The following XNDC1N variants were observed in gnomAD, a reference collection of about 807,000 sequenced individuals.
The protein encoded by XNDC1N is protein XNDC1N.
the XNDC1N span, chr11:71,914,221 A>G: frequency 2.2e-6 from 1 of 451,998 alleles, no homozygotes; most frequent in Non-Finnish European, 4.5e-6. Context: ...AAGTAAATTA[A>G]AACCTTCTGG....
chr11:71,915,490 T>C, the XNDC1N span, among the ~76,000 whole-genome samples: 2 of 150,510 alleles, frequency 1.3e-5, no homozygotes, highest in African/African-American at 4.9e-5. Flanking sequence ...TCACTGAAGG[T>C]TCAGAAAATT....
the XNDC1N span, among the ~76,000 whole-genome samples, chr11:71,874,126 C>A: frequency 6.6e-6 from 1 of 152,088 alleles, no homozygotes; most frequent in Non-Finnish European, 1.5e-5. Context: ...AACAGCCTAA[C>A]CAACATGGCG....
the XNDC1N span, among the ~76,000 whole-genome samples, chr11:71,881,129 A>G: frequency 6.6e-6 from 1 of 152,210 alleles, no homozygotes; most frequent in Non-Finnish European, 1.5e-5. Flanking sequence ...CTCAGTTATC[A>G]TGATGTTGAG....
At chr11:71,921,088 C>T in the XNDC1N span, among the ~76,000 whole-genome samples, 1 of 151,938 alleles carries the variant, frequency 6.6e-6, no homozygotes, top group East Asian at 1.9e-4. Flanking sequence ...GGGAGGATCA[C>T]TTGAGTGATC....
the XNDC1N span, among the ~76,000 whole-genome samples, chr11:71,905,451 G>T: frequency 6.6e-6 from 1 of 151,372 alleles, no homozygotes; most frequent in Non-Finnish European, 1.5e-5. Flanking sequence ...ATATAACAGG[G>T]TGTACAACCC....
At chr11:71,914,393 G>A in the XNDC1N span, 22 of 455,910 alleles carry the variant, frequency 4.8e-5, no homozygotes, top group African/African-American at 3.8e-4. Flanking sequence ...GACAGAAATA[G>A]TATGAGAACT....
the XNDC1N span, among the ~76,000 whole-genome samples, chr11:71,901,045 G>T: frequency 9.2e-5 from 14 of 152,148 alleles, no homozygotes; most frequent in Admixed American, 9.2e-4. Context: ...AACACAGCTA[G>T]ACCAGTGGGT....
At chr11:71,866,877 A>C in the XNDC1N span, among the ~76,000 whole-genome samples, 28 of 152,300 alleles carry the variant, frequency 1.8e-4, no homozygotes, top group African/African-American at 6.3e-4. Flanking sequence ...TTTCTGGAAA[A>C]TTTGATATGA....
chr11:71,874,970 A>G, the XNDC1N span, among the ~76,000 whole-genome samples: 1 of 152,144 alleles, frequency 6.6e-6, no homozygotes, highest in Admixed American at 6.5e-5. Context: ...CTCGCTCCAT[A>G]TAAGTTAAGC....
At chr11:71,882,832 A>T in the XNDC1N span, among the ~76,000 whole-genome samples, 2 of 152,084 alleles carry the variant, frequency 1.3e-5, no homozygotes, top group Non-Finnish European at 1.5e-5. Flanking sequence ...AAATGACATA[A>T]TTTTTTTGTA....
the XNDC1N span, among the ~76,000 whole-genome samples, chr11:71,877,853 T>C: frequency 6.6e-6 from 1 of 152,224 alleles, no homozygotes; most frequent in Admixed American, 6.5e-5. Flanking sequence ...GGCCCACTCT[T>C]CTTTCTTTAA....
chr11:71,905,159 T>G, the XNDC1N span, among the ~76,000 whole-genome samples: 1 of 152,138 alleles, frequency 6.6e-6, no homozygotes, highest in African/African-American at 2.4e-5. Context: ...GTACACCATG[T>G]GTGTACACTC....
chr11:71,886,308 C>A, the XNDC1N span, among the ~76,000 whole-genome samples: 4 of 151,674 alleles, frequency 2.6e-5, no homozygotes, highest in Non-Finnish European at 5.9e-5. Context: ...TCCTCTTTAA[C>A]AGCGAAGAAA....
chr11:71,891,976 G>T, the XNDC1N span, among the ~76,000 whole-genome samples: 3 of 151,994 alleles, frequency 2.0e-5, no homozygotes, highest in Non-Finnish European at 2.9e-5. Context: ...CCGGCGGGAG[G>T]TGGTACACCC....
the XNDC1N span, chr11:71,917,436 C>A: frequency 1.6e-6 from 1 of 637,084 alleles, no homozygotes; most frequent in Admixed American, 2.3e-5. Flanking sequence ...GCATCCTCAC[C>A]ACACAAATCT....
At chr11:71,925,455 G>A in the XNDC1N span, among the ~76,000 whole-genome samples, 1 of 152,148 alleles carries the variant, frequency 6.6e-6, no homozygotes, top group Non-Finnish European at 1.5e-5. Context: ...AGTCCTCACA[G>A]GCCACAGCCA....
the XNDC1N span, among the ~76,000 whole-genome samples, chr11:71,910,916 T>G: frequency 6.6e-6 from 1 of 152,176 alleles, no homozygotes; most frequent in African/African-American, 2.4e-5. Flanking sequence ...AAGGCTTTCA[T>G]GAGTTAAAGG....
chr11:71,887,857 C>A, the XNDC1N span, among the ~76,000 whole-genome samples: 1 of 152,190 alleles, frequency 6.6e-6, no homozygotes, highest in Non-Finnish European at 1.5e-5. Flanking sequence ...GCTGGTTCAC[C>A]TGCTTGGACC....
the XNDC1N span, among the ~76,000 whole-genome samples, chr11:71,871,434 A>G: frequency 7.9e-5 from 12 of 152,332 alleles, no homozygotes; most frequent in East Asian, 3.9e-4. Flanking sequence ...GGACAGGAGA[A>G]TAAGGTTTCT....
Sources: gnomAD v4.1 joint callset for allele counts (sites outside exome capture counted in the v4.1 genomes callset) on GRCh38, gnomAD v4.1.1 for gene constraint, MANE v1.5 for transcripts, NCBI Gene and HGNC (gene_info 2026-07-23, HGNC 2026-07-21) for gene names.